The following SON variants were observed in gnomAD, a reference collection of about 807,000 sequenced individuals.
SON encodes protein SON.
In SON, 4 loss-of-function variants were observed where a neutral mutation model predicts 173.3. That is an observed-to-expected ratio of 0.02 (90% CI 0.01 to 0.05). SON has a LOEUF of 0.05. Ranked by LOEUF, SON falls within the 10% of genes least tolerant of loss-of-function variation. SON has a pLI of 1.00. For missense variants in SON, 2,626 were observed against 3,055.3 expected, an observed-to-expected ratio of 0.86 and a Z score of 3.31; for synonymous variants, 1,190 against 1,105.9, an observed-to-expected ratio of 1.08 and a Z score of -1.51.
rs2086423034 is a variant in SON, at chr21:33,577,288, AT to A, written c.*865del. 6.6e-6 allele frequency: 1 copy of A among 152,648 alleles called. No individual in the cohort carries two copies. The highest frequency in any genetic ancestry group is 2.4e-5 in the African/African-American group (1 of 41,470). The allele number at this position is 152,648 out of a possible 1,614,324, so 9.5% of individuals were successfully genotyped here. ...AGATAGACGTAAAATGATAATTAAA[AT>A]GCTGTAACCAACTTATCTAATAAAA... On this transcript the variant is annotated 3_prime_UTR_variant, in exon 12 of 12. Transcript: ENST00000356577.
In SON at chr21:33,543,089, C is replaced by A. The variant is rs1244592777; in HGVS notation, c.-4C>A. On this transcript the variant is annotated 5_prime_UTR_variant, in exon 1 of 12. Transcript: ENST00000356577. Reference sequence around the variant, plus strand: ...GGAGGAGTTGAGAGAACGGAGCGGACGCCATGGCGACCAACATCGAGCAGA... The same window carrying A: ...GGAGGAGTTGAGAGAACGGAGCGGAAGCCATGGCGACCAACATCGAGCAGA... 2 of 1,614,082 alleles carry A rather than the reference C, an allele frequency of 1.2e-6. No individual in the cohort carries two copies. The highest frequency in any genetic ancestry group is 8.5e-7 in the Non-Finnish European group (1 of 1,179,896).
intron 9 of SON, among the ~76,000 whole-genome samples, chr21:33,574,673 A>T (rs566221652): frequency 6.6e-6 from 1 of 152,332 alleles, no homozygotes; most frequent in East Asian, 1.9e-4. Context: ...GCTAAATACA[A>T]TGCAAATATT....
At chr21:33,545,268 GATA>G (rs2085588257) in intron 1 of SON, among the ~76,000 whole-genome samples, 1 of 152,112 alleles carries the variant, frequency 6.6e-6, no homozygotes, top group East Asian at 1.9e-4. Context: ...GTCAATAAAT[GATA>G]ATTATTATAA....
intron 2 of SON, among the ~76,000 whole-genome samples, chr21:33,547,925 G>A (rs1272807634): frequency 1.3e-5 from 2 of 151,012 alleles, no homozygotes; most frequent in Admixed American, 6.6e-5. Flanking sequence ...GGGTTTTACC[G>A]TGTTAGCCAG....
chr21:33,575,492 A>C (rs2086379840), intron 9 of SON, 104 bp from the exon 10 acceptor site: 1 of 653,072 alleles, frequency 1.5e-6, no homozygotes, highest in East Asian at 2.8e-5. Flanking sequence ...GAATCTGCTG[A>C]TTTTATTTGA....
At chr21:33,573,052 A>AG (rs1179898617) in intron 8 of SON, 5 of 310,422 alleles carry the variant, frequency 1.6e-5, no homozygotes, top group Admixed American at 4.6e-5. Flanking sequence ...TTTTTTTTTG[A>AG]GGGGGGCACG....
Position 33,554,462 on chromosome 21 carries a change from G to A in SON, c.5231G>A (p.Arg1744His), listed in dbSNP as rs752018073. 13 of 1,614,048 alleles carry A rather than the reference G, an allele frequency of 8.1e-6. No homozygotes were observed. Among genetic ancestry groups the A allele is most frequent in the South Asian group, 2.2e-5 (2 of 91,080 alleles). ...CCGTTACTTCCTAAGGACATGGAAC[G>A]TCTTACAAGCCTTAGAGCTGGCATT... ...VRPLLPKDME[R>H]LTSLRAGIEG... The change falls in exon 3 of 12, where the codon CGT becomes CAT. Residue 1744 changes from arginine to histidine, a missense_variant. Coordinates refer to ENST00000356577, the MANE Select transcript of SON (RefSeq NM_138927.4).
chr21:33,566,919 TTCAG>T (rs2086184437), intron 6 of SON, among the ~76,000 whole-genome samples: 1 of 152,174 alleles, frequency 6.6e-6, no homozygotes, highest in Non-Finnish European at 1.5e-5. Context: ...ATTGACTAAA[TTCAG>T]TCAGATTTTG....
chr21:33,551,478 C>T lies in SON; in HGVS notation c.2247C>T (p.Asn749=), dbSNP rs2085784905. The part of the protein sequence containing the change: ...NTMDSQMLAS[N]TMDSQMLASS... ...TGGACTCCCAGATGCTAGCATCCAA[C>T]ACCATGGACTCCCAGATGTTAGCGT... is the stretch of plus-strand genomic sequence containing the variant. Residue 749 remains asparagine, a synonymous_variant, in exon 3 of 12, where the codon AAC becomes AAT. Transcript: ENST00000356577. The T allele has an allele frequency of 2.5e-6, 4 of 1,614,052 alleles. No individual in the cohort carries two copies. The highest frequency in any genetic ancestry group is 2.5e-6 in the Non-Finnish European group (3 of 1,180,016).
chr21:33,554,298 C>T lies in SON; in HGVS notation c.5067C>T (p.Asp1689=), dbSNP rs373750329. ...TEEPLPVKES[D]QTLAALLSPK... is the part of the protein sequence containing the mutation. ...AACCATTACCTGTAAAAGAGAGTGA[C>T]CAGACATTAGCAGCTCTGCTCAGCC... The change falls in exon 3 of 12, where the codon GAC becomes GAT. Residue 1689 remains aspartate, a synonymous_variant. Transcript: ENST00000356577. 5.4e-5 allele frequency: 87 copies of T among 1,613,894 alleles called. No homozygotes were observed. Among genetic ancestry groups the T allele is most frequent in the Non-Finnish European group, 7.2e-5 (85 of 1,179,990 alleles).
In SON at chr21:33,551,385, T is replaced by A. The variant is rs1199185958; in HGVS notation, c.2154T>A (p.Ser718=). The change falls in exon 3 of 12, where the codon TCT becomes TCA. Residue 718 remains serine, a synonymous_variant. Coordinates refer to ENST00000356577, the MANE Select transcript of SON (RefSeq NM_138927.4). The stretch of plus-strand genomic sequence containing the variant: ...CCCCAGAATCCCATATATTAGCTTC[T>A]AACACCATGGAGACCCATATATTAG... ...LMAPESHILA[S]NTMETHILAS... is the part of the protein sequence containing the mutation. The A allele has an allele frequency of 3.1e-6, 5 of 1,613,962 alleles. No homozygotes were observed. The highest frequency in any genetic ancestry group is 3.3e-4 in the Middle Eastern group (2 of 6,084).
chr21:33,550,670 C>A lies in SON; in HGVS notation c.1439C>A (p.Pro480Gln). The A allele has an allele frequency of 6.2e-7, 1 of 1,614,034 alleles. No individual in the cohort carries two copies. Among genetic ancestry groups the A allele is most frequent in the South Asian group, 1.1e-5 (1 of 91,086 alleles). ...CCACCTGTGATGGCACAGGAGTTGC[C>A]AGGGCTGCCTTTGGTGACAGCAGCA... ...PEPPVMAQEL[P>Q]GLPLVTAAVE... Residue 480 changes from proline (P) to glutamine (Q), a missense_variant, in exon 3 of 12, where the codon CCA (proline) becomes CAA (glutamine). Pro to Gln is a moderately conservative substitution (Grantham distance 76). Around this residue, in one of 13 missense-constraint regions of SON, gnomAD observed 757 missense variants for 730.1 expected, o/e 1.04. Coordinates refer to ENST00000356577, the MANE Select transcript of SON (RefSeq NM_138927.4).
In SON at chr21:33,553,689, A is replaced by T. The variant is rs764999352; in HGVS notation, c.4458A>T (p.Gly1486=). The change falls in exon 3 of 12, where the codon GGA becomes GGT. Residue 1486 remains glycine (G), a synonymous_variant. Coordinates refer to ENST00000356577, the MANE Select transcript of SON (RefSeq NM_138927.4). The part of the protein sequence containing the change: ...SSIMSSHVMK[G]INLSSGDQNL... Reference sequence around the variant, plus strand: ...TCATGTCATCACATGTTATGAAAGGAATTAATCTATCCTCTGGTGATCAAA... The same window carrying T: ...TCATGTCATCACATGTTATGAAAGGTATTAATCTATCCTCTGGTGATCAAA... 6.2e-7 allele frequency: 1 copy of T among 1,614,016 alleles called. No individual in the cohort carries two copies. Among genetic ancestry groups the T allele is most frequent in the South Asian group, 1.1e-5 (1 of 91,076 alleles).
At position 33,551,649 on chromosome 21, in the gene SON, A is replaced by G. The variant is rs1232210916; in HGVS notation, c.2418A>G (p.Leu806=). 6.2e-6 allele frequency: 10 copies of G among 1,612,070 alleles called. No individual in the cohort carries two copies. The African/African-American group carries it at 1.3e-4, about 22-fold the overall frequency. Residue 806 remains leucine, a synonymous_variant, in exon 3 of 12, where the codon TTA becomes TTG. Transcript: ENST00000356577. ...CCAGTTCCATGGACTCCCAGATGTT[A>G]GCAACCAGCTCCATGGACTCCCAGA... ...LATSSMDSQM[L]ATSSMDSQML... is the part of the protein sequence containing the mutation.
At chr21:33,571,237 G>T (rs11088256) in intron 8 of SON, among the ~76,000 whole-genome samples, 107,150 of 152,086 alleles carry the variant, frequency 0.7, 37,838 homozygotes, top group African/African-American at 0.77. Flanking sequence ...AGAAACTTTT[G>T]AAAATTAAAA....
rs1569051857 is a variant in SON, at chr21:33,550,316, CGGAGCTGCCTAAGACCACAGCGTT to C, written c.1094_1117del (p.Pro365_Leu372del). 3 of 1,614,064 alleles carry C rather than the reference CGGAGCTGCCTAAGACCACAGCGTT, an allele frequency of 1.9e-6. No individual in the cohort carries two copies. Among genetic ancestry groups the C allele is most frequent in the Non-Finnish European group, 2.5e-6 (3 of 1,180,002 alleles). On this transcript the variant is annotated inframe_deletion, in exon 3 of 12. Coordinates refer to ENST00000356577, the MANE Select transcript of SON (RefSeq NM_138927.4). ...TCCATGACAAGACCGCAGGAGTTGC[CGGAGCTGCCTAAGACCACAGCGTT>C]GGAGCTGCAGGAGTCGTCGGTGGCC...
In SON at chr21:33,553,115, C is replaced by G. The variant is rs1350925513; in HGVS notation, c.3884C>G (p.Pro1295Arg). The G allele has an allele frequency of 4.3e-6, 7 of 1,614,058 alleles. No homozygotes were observed. The highest frequency in any genetic ancestry group is 5.9e-6 in the Non-Finnish European group (7 of 1,180,026). ...GAAACTCCCGCCATGTCAGCTGAAC[C>G]AACTGTGTTAGCATCAGAGCCTCCT... ...VSETPAMSAEPTVLASEPPVM... is the reference protein window; with the variant it reads ...VSETPAMSAERTVLASEPPVM... The change falls in exon 3 of 12, where the codon CCA becomes CGA. Residue 1295 changes from proline to arginine, a missense_variant. By Grantham distance (103) the Pro-to-Arg change is moderately radical. This residue lies in a region of SON where 1,006 missense variants were observed against 895.6 expected (regional missense o/e 1.12). Coordinates refer to ENST00000356577, the MANE Select transcript of SON (RefSeq NM_138927.4).
chr21:33,553,310 T>A lies in SON; in HGVS notation c.4079T>A (p.Leu1360Gln). The change falls in exon 3 of 12, where the codon CTG becomes CAG. Residue 1360 changes from leucine to glutamine, a missense_variant. By Grantham distance (113) the Leu-to-Gln change is moderately radical. Coordinates refer to ENST00000356577, the MANE Select transcript of SON (RefSeq NM_138927.4). ...AAPESSAMAV[L>Q]ESSAVTVLES... ...CCAGAGTCTTCAGCTATGGCTGTCCTGGAGTCTTCGGCTGTGACCGTCCTG... is the reference window on the plus strand; with the variant it reads ...CCAGAGTCTTCAGCTATGGCTGTCCAGGAGTCTTCGGCTGTGACCGTCCTG... The A allele has an allele frequency of 6.3e-7, 1 of 1,583,338 alleles. No homozygotes were observed. Among genetic ancestry groups the A allele is most frequent in the Non-Finnish European group, 8.7e-7 (1 of 1,155,424 alleles).
At chr21:33,567,027 T>C (rs954217870) in intron 6 of SON, 130 bp from the exon 7 acceptor site, 13 of 518,650 alleles carry the variant, frequency 2.5e-5, no homozygotes, top group Non-Finnish European at 4.2e-5. Flanking sequence ...CTTCTCCCTG[T>C]TTTCCAAGAT....
Sources: gnomAD v4.1 joint callset for allele counts (sites outside exome capture counted in the v4.1 genomes callset) on GRCh38, gnomAD v4.1.1 for gene constraint, gnomAD v4.1.1 regional missense constraint, MANE v1.5 for transcripts, NCBI Gene and HGNC (gene_info 2026-07-23, HGNC 2026-07-21) for gene names.